Variants in ARIH1 observed in about 807,000 individuals in gnomAD.
The protein encoded by ARIH1 is ariadne RBR E3 ubiquitin protein ligase 1.
Under a neutral mutation model 85.0 loss-of-function variants are expected in ARIH1, and 8 were observed. That is an observed-to-expected ratio of 0.09 (90% CI 0.06 to 0.17). The LOEUF is 0.17. Among genes scored for constraint, ARIH1 ranks in the 10% least tolerant of loss-of-function variants. The pLI, the probability that ARIH1 is intolerant of heterozygous loss-of-function variation, is 1.00. For missense variants in ARIH1, 311 were observed against 718.1 expected (o/e 0.43, Z 6.48); for synonymous variants, 238 against 253.6 (o/e 0.94, Z 0.59).
chr15:72,561,153 G>A (rs1430699321), intron 5 of ARIH1, among the ~76,000 whole-genome samples: 1 of 152,174 alleles, frequency 6.6e-6, no homozygotes, highest in East Asian at 1.9e-4. Flanking sequence ...GGCATGATAT[G>A]ATATCAGAGT....
At chr15:72,513,145 G>A (rs1343389879) in intron 1 of ARIH1, among the ~76,000 whole-genome samples, 4 of 151,990 alleles carry the variant, frequency 2.6e-5, no homozygotes, top group Non-Finnish European at 5.9e-5. Context: ...GGTTTGTTTT[G>A]AACATTTACA....
intron 9 of ARIH1, 62 bp downstream of exon 9, chr15:72,567,239 T>C: frequency 7.3e-7 from 1 of 1,376,508 alleles, no homozygotes; most frequent in Non-Finnish European, 1.0e-6. Flanking sequence ...ACTTTGGCAT[T>C]AGCAAAAGCA....
At chr15:72,550,277 A>G (rs1205203014) in intron 3 of ARIH1, among the ~76,000 whole-genome samples, 1 of 152,228 alleles carries the variant, frequency 6.6e-6, no homozygotes, top group South Asian at 2.1e-4. Context: ...TACATTTATG[A>G]ACTATCTTTT....
At chr15:72,576,955 G>T (rs2064274069) in intron 11 of ARIH1, among the ~76,000 whole-genome samples, 1 of 151,224 alleles carries the variant, frequency 6.6e-6, no homozygotes, top group Non-Finnish European at 1.5e-5. Context: ...TATTTTGTAT[G>T]TTACATGTTT....
At chr15:72,529,722 G>A (rs1286809275) in intron 2 of ARIH1, among the ~76,000 whole-genome samples, 2 of 152,162 alleles carry the variant, frequency 1.3e-5, no homozygotes, top group Admixed American at 1.3e-4. Context: ...AAGGGCAGAA[G>A]TGATATGGGA....
intron 1 of ARIH1, among the ~76,000 whole-genome samples, chr15:72,497,873 TC>T (rs1278251175): frequency 6.6e-6 from 1 of 152,190 alleles, no homozygotes. Context: ...AAATTGTGAC[TC>T]AAATGCTGAT....
rs1359747988 is a variant in ARIH1 at position 72,602,769 on chromosome 15, G to A, written c.*19477G>A. Reference sequence around the variant, plus strand: ...GAGAAATGTTCCCCCTTTCTCCCAGGAAACGTTCTGACCTTACCCTGGTCC... The same window carrying A: ...GAGAAATGTTCCCCCTTTCTCCCAGAAAACGTTCTGACCTTACCCTGGTCC... On this transcript the variant is annotated 3_prime_UTR_variant, in exon 14 of 14. Transcript: ENST00000379887. 6.6e-6 allele frequency: 1 copy of A among 152,082 alleles called. No individual in the cohort carries two copies. The highest frequency in any genetic ancestry group is 1.5e-5 in the Non-Finnish European group (1 of 68,034). The allele number at this position is 152,082 out of a possible 1,614,324, so 9.4% of individuals were successfully genotyped here. A position where few individuals can be genotyped will look rare whatever the true frequency, so the allele number is the denominator to read the frequency against.
At chr15:72,563,797 A>G (rs1284772179) in intron 7 of ARIH1, among the ~76,000 whole-genome samples, 1 of 152,168 alleles carries the variant, frequency 6.6e-6, no homozygotes, top group Admixed American at 6.5e-5. Flanking sequence ...GCAAACTTGT[A>G]GATCTGGGAC....
At chr15:72,515,125 C>T (rs887618185) in intron 1 of ARIH1, among the ~76,000 whole-genome samples, 6 of 152,152 alleles carry the variant, frequency 3.9e-5, no homozygotes, top group Non-Finnish European at 8.8e-5. Context: ...CACCTGAGGT[C>T]GGGAGTTCGA....
rs779981165 is a variant in ARIH1, at chr15:72,474,683, A to G, written c.44A>G (p.Glu15Gly). ...EGYNYEFDEDEECSEEDSGAE... is the reference protein window; with the variant it reads ...EGYNYEFDEDGECSEEDSGAE... Reference sequence around the variant, plus strand: ...TACAACTACGAGTTCGACGAGGACGAGGAGTGCAGTGAGGAGGACAGCGGC... The same window carrying G: ...TACAACTACGAGTTCGACGAGGACGGGGAGTGCAGTGAGGAGGACAGCGGC... Residue 15 changes from glutamate to glycine, a missense_variant, in exon 1 of 14, where the codon GAG (glutamate) becomes GGG (glycine). Transcript: ENST00000379887. 5.1e-6 allele frequency: 8 copies of G among 1,575,076 alleles called. No individual in the cohort carries two copies. Among genetic ancestry groups the G allele is most frequent in the Non-Finnish European group, 6.9e-6 (8 of 1,162,166 alleles).
chr15:72,590,359 A>ACTTAATT lies in ARIH1; in HGVS notation c.*7072_*7078dup, dbSNP rs1466603873. 1 of 152,202 alleles carries ACTTAATT rather than the reference A, an allele frequency of 6.6e-6. No homozygotes were observed. The highest frequency in any genetic ancestry group is 2.4e-5 in the African/African-American group (1 of 41,434). 9.4% of individuals were successfully genotyped at this position (152,202 alleles called of 1,614,324 possible). A position where few individuals can be genotyped will look rare whatever the true frequency, so the allele number is the denominator to read the frequency against. On this transcript the variant is annotated 3_prime_UTR_variant, in exon 14 of 14. Transcript: ENST00000379887. The stretch of plus-strand genomic sequence containing the variant: ...CTTCCAACCTAAGATTGTCCTGGAA[A>ACTTAATT]CTTAATTCTTATCTTGGCTCATCTC...
intron 1 of ARIH1, among the ~76,000 whole-genome samples, chr15:72,480,545 G>A (rs2063812315): frequency 6.6e-6 from 1 of 151,500 alleles, no homozygotes; most frequent in Non-Finnish European, 1.5e-5. Flanking sequence ...ATAGGCATGA[G>A]CCACGGTGCC....
At chr15:72,496,008 T>C (rs543973308) in intron 1 of ARIH1, among the ~76,000 whole-genome samples, 3 of 152,278 alleles carry the variant, frequency 2.0e-5, no homozygotes, top group African/African-American at 7.2e-5. Flanking sequence ...ACTCCTGGGC[T>C]CGAGCAATCC....
intron 1 of ARIH1, among the ~76,000 whole-genome samples, chr15:72,499,444 T>C (rs191197963): frequency 2.6e-4 from 39 of 152,316 alleles, no homozygotes; most frequent in African/African-American, 9.4e-4. Context: ...TTTTTCTTCC[T>C]CCATCCTTGA....
At chr15:72,515,092 T>C (rs1452814543) in intron 1 of ARIH1, among the ~76,000 whole-genome samples, 4 of 152,184 alleles carry the variant, frequency 2.6e-5, no homozygotes, top group African/African-American at 9.7e-5. Context: ...TCCGAGCACT[T>C]TGGGAGGCCG....
At chr15:72,541,159 C>T (rs1053233016) in intron 2 of ARIH1, among the ~76,000 whole-genome samples, 8 of 152,040 alleles carry the variant, frequency 5.3e-5, no homozygotes, top group Non-Finnish European at 1.0e-4. Context: ...GTGTATCAAG[C>T]GAATGAGCTA....
intron 9 of ARIH1, among the ~76,000 whole-genome samples, chr15:72,568,974 T>C (rs2064232277): frequency 6.6e-6 from 1 of 152,076 alleles, no homozygotes; most frequent in Non-Finnish European, 1.5e-5. Context: ...AAAAAATCCA[T>C]AGGCCTACAG....
At chr15:72,524,510 G>C (rs568456553) in intron 2 of ARIH1, among the ~76,000 whole-genome samples, 2 of 152,148 alleles carry the variant, frequency 1.3e-5, no homozygotes, top group Non-Finnish European at 2.9e-5. Flanking sequence ...GCCCAAGCTG[G>C]TCCACTTTTA....
At chr15:72,565,696 A>T (rs1229413650) in intron 7 of ARIH1, among the ~76,000 whole-genome samples, 2 of 152,244 alleles carry the variant, frequency 1.3e-5, no homozygotes, top group Non-Finnish European at 2.9e-5. Flanking sequence ...GAATACCTAT[A>T]TAGCTACAAT....
Sources: allele counts gnomAD v4.1 joint callset (sites outside exome capture counted in the v4.1 genomes callset), GRCh38; gene constraint gnomAD v4.1.1; transcripts MANE v1.5; gene names NCBI Gene and HGNC (gene_info 2026-07-23, HGNC 2026-07-21).